The following TRDN variants were observed in gnomAD, a reference collection of about 807,000 sequenced individuals.
The protein encoded by TRDN is triadin in skeletal muscle.
A neutral mutation model predicts 149.7 loss-of-function variants in TRDN; 161 were observed. The observed-to-expected ratio is 1.08, with a 90% CI of 0.95 to 1.23. TRDN has a LOEUF of 1.23. TRDN is among the 50% of genes most tolerant of loss of function. TRDN has a pLI of 0.00. For synonymous variants in TRDN, 294 were observed against 250.5 expected (o/e 1.17, Z -1.64); for missense variants, 896 against 823.5 (o/e 1.09, Z -1.08).
At chr6:123,623,035 T>C (rs1785477627) in intron 1 of TRDN, among the ~76,000 whole-genome samples, 1 of 152,130 alleles carries the variant, frequency 6.6e-6, no homozygotes, top group African/African-American at 2.4e-5. Flanking sequence ...AATTATGCTG[T>C]CACTTTGCAA....
intron 9 of TRDN, among the ~76,000 whole-genome samples, chr6:123,493,797 C>T (rs1778321478): frequency 6.6e-6 from 1 of 152,134 alleles, no homozygotes; most frequent in African/African-American, 2.4e-5. Flanking sequence ...CAATGTCTCA[C>T]CACTTACATT....
intron 24 of TRDN, among the ~76,000 whole-genome samples, chr6:123,291,513 C>T (rs1210805716): frequency 4.6e-5 from 7 of 151,368 alleles, no homozygotes; most frequent in Non-Finnish European, 1.0e-4. Flanking sequence ...TGCAGTGAGC[C>T]GAGATCACAC....
chr6:123,235,989 T>A (rs1377602376), intron 38 of TRDN, among the ~76,000 whole-genome samples: 2 of 152,216 alleles, frequency 1.3e-5, no homozygotes, highest in African/African-American at 4.8e-5. Flanking sequence ...ATAGCTGCAA[T>A]AAACATTTAT....
At chr6:123,532,443 C>T (rs1381074958) in intron 4 of TRDN, among the ~76,000 whole-genome samples, 1 of 151,682 alleles carries the variant, frequency 6.6e-6, no homozygotes, top group Non-Finnish European at 1.5e-5. Context: ...TTTGGATGGG[C>T]TTCTCTGATT....
At chr6:123,289,741 C>G (rs896268156) in intron 24 of TRDN, among the ~76,000 whole-genome samples, 3 of 152,120 alleles carry the variant, frequency 2.0e-5, no homozygotes. Context: ...TACTCTCTGC[C>G]TATGGGGTAG....
chr6:123,330,090 C>G (rs1779605638), intron 23 of TRDN, among the ~76,000 whole-genome samples: 1 of 151,964 alleles, frequency 6.6e-6, no homozygotes, highest in African/African-American at 2.4e-5. Context: ...GAAGAAGATT[C>G]TTTGAGAATA....
At chr6:123,447,452 G>A (rs1406807886) in intron 10 of TRDN, among the ~76,000 whole-genome samples, 1 of 152,130 alleles carries the variant, frequency 6.6e-6, no homozygotes, top group African/African-American at 2.4e-5. Context: ...ACTCCCCATG[G>A]CTGAGTGGAG....
rs59816098 is a variant in TRDN at position 123,378,453 on chromosome 6, A to AGTGTGTGTGT, written c.1187-565_1187-556dup. On this transcript the variant is annotated intron_variant, in intron 16 of 40. Coordinates refer to ENST00000334268, the MANE Select transcript of TRDN (RefSeq NM_006073.4). ...CACCACCATGTGTAGCCAGATTTGT[A>AGTGTGTGTGT]GTGTGTGTGTGTGTGTGTGTGTGTG... Among the ~76,000 whole-genome samples the AGTGTGTGTGT allele has an allele frequency of 5.9e-5, 8 of 136,284 alleles. No homozygotes were observed. In the East Asian group the frequency reaches 6.8e-4, roughly 12 times the overall value. The allele number at this position is 136,284 out of a possible 152,430, so 89.4% of individuals were successfully genotyped here.
intron 10 of TRDN, chr6:123,440,828 C>T (rs1056029015): frequency 6.6e-6 from 1 of 152,142 alleles, no homozygotes; most frequent in African/African-American, 2.4e-5. Context: ...AGACAATGCT[C>T]TTGTGCAACA....
chr6:123,555,590 T>C (rs1781613119), intron 2 of TRDN, among the ~76,000 whole-genome samples: 1 of 152,162 alleles, frequency 6.6e-6, no homozygotes, highest in African/African-American at 2.4e-5. Flanking sequence ...GAAGCAACAC[T>C]TGATATTTTG....
intron 5 of TRDN, among the ~76,000 whole-genome samples, chr6:123,522,398 C>CA (rs1163258161): frequency 1.3e-5 from 2 of 148,588 alleles, no homozygotes; most frequent in Middle Eastern, 3.6e-3. Context: ...TTCACAATTG[C>CA]AAAAAAATAA....
chr6:123,631,338 TG>T lies in TRDN; in HGVS notation c.22+5415del, dbSNP rs1785995044. Among the ~76,000 whole-genome samples the T allele has an allele frequency of 2.0e-5, 3 of 152,028 alleles. No homozygotes were observed. In the South Asian group the frequency reaches 6.2e-4, roughly 31 times the overall value. ...AGAACTATTTTTTCTTGCATCATGT[TG>T]ACTTCTTAGGCTTTCAAATTGTTCT... On this transcript the variant is annotated intron_variant, in intron 1 of 40. Coordinates refer to ENST00000334268, the MANE Select transcript of TRDN (RefSeq NM_006073.4).
intron 9 of TRDN, among the ~76,000 whole-genome samples, chr6:123,493,291 T>C (rs1397085476): frequency 6.6e-6 from 1 of 152,150 alleles, no homozygotes; most frequent in Non-Finnish European, 1.5e-5. Flanking sequence ...TAATTTATAC[T>C]GGTTTATTAA....
Position 123,516,203 on chromosome 6 carries a change from G to T in TRDN, c.488C>A (p.Thr163Lys). ...TTTTCCTTTTTCTTTTTCTTTGTGT[G>T]TAACTGAAAAGAAACAGATAAATAG... ...KPERKIQTKV[T>K]HKEKEKGKEK... Residue 163 changes from threonine (T) to lysine (K), a missense_variant, in exon 6 of 41, where the codon ACA becomes AAA. Coordinates refer to ENST00000334268, the MANE Select transcript of TRDN (RefSeq NM_006073.4). The T allele has an allele frequency of 2.7e-6, 4 of 1,477,450 alleles. No homozygotes were observed. Among genetic ancestry groups the T allele is most frequent in the Non-Finnish European group, 3.6e-6 (4 of 1,101,878 alleles). The allele number at this position is 1,477,450 out of a possible 1,614,324, so 91.5% of individuals were successfully genotyped here. A position where few individuals can be genotyped will look rare whatever the true frequency, so the allele number is the denominator to read the frequency against.
intron 33 of TRDN, among the ~76,000 whole-genome samples, chr6:123,261,884 C>A (rs1776784354): frequency 6.6e-6 from 1 of 151,894 alleles, no homozygotes; most frequent in African/African-American, 2.4e-5. Context: ...AAAGGCTGTA[C>A]TTAATGTTTA....
chr6:123,531,325 C>T (rs1780243832), intron 4 of TRDN, among the ~76,000 whole-genome samples: 1 of 151,960 alleles, frequency 6.6e-6, no homozygotes, highest in Admixed American at 6.6e-5. Flanking sequence ...TAGAAAAATG[C>T]TAATGAGGTT....
chr6:123,309,752 T>C (rs1441958534), intron 24 of TRDN, among the ~76,000 whole-genome samples: 2 of 151,952 alleles, frequency 1.3e-5, no homozygotes, highest in East Asian at 1.9e-4. Flanking sequence ...CTGTGTTGTG[T>C]AAAAATATAA....
intron 38 of TRDN, among the ~76,000 whole-genome samples, chr6:123,240,605 A>G (rs561273511): frequency 1.4e-4 from 21 of 152,044 alleles, no homozygotes; most frequent in Middle Eastern, 3.4e-3. Flanking sequence ...GGAAACATTT[A>G]GATCTAATTT....
chr6:123,500,671 A>T (rs1442782115), intron 8 of TRDN, among the ~76,000 whole-genome samples: 1 of 152,174 alleles, frequency 6.6e-6, no homozygotes, highest in Non-Finnish European at 1.5e-5. Flanking sequence ...ATTCTCAGGA[A>T]GCAGTGATAG....
Sources: gnomAD v4.1 joint callset for allele counts (sites outside exome capture counted in the v4.1 genomes callset) on GRCh38, gnomAD v4.1.1 for gene constraint, MANE v1.5 for transcripts, NCBI Gene and HGNC (gene_info 2026-07-23, HGNC 2026-07-21) for gene names.